Variants in PBX3 observed in about 807,000 individuals in gnomAD.
PBX3 encodes PBX homeobox 3, also known as pre-B-cell leukemia transcription factor 3.
In PBX3, 14 loss-of-function variants were observed where a neutral mutation model predicts 48.5. The observed-to-expected ratio is 0.29, with a 90% CI of 0.19 to 0.45. The LOEUF is 0.45. PBX3 is among the 20% of genes least tolerant of loss of function. PBX3 has a pLI of 1.00. For synonymous variants in PBX3, 210 were observed against 200.3 expected, an observed-to-expected ratio of 1.05 and a Z score of -0.41; for missense variants, 386 against 546.7, an observed-to-expected ratio of 0.71 and a Z score of 2.93.
intron 2 of PBX3, among the ~76,000 whole-genome samples, chr9:125,883,107 A>G (rs1055752991): frequency 3.9e-5 from 6 of 152,340 alleles, no homozygotes; most frequent in African/African-American, 1.2e-4. Flanking sequence ...GCGATAATAC[A>G]TAGTGTTGAT....
At chr9:125,796,124 T>A (rs1370765471) in intron 2 of PBX3, among the ~76,000 whole-genome samples, 2 of 152,302 alleles carry the variant, frequency 1.3e-5, no homozygotes, top group Non-Finnish European at 2.9e-5. Context: ...ATGGTTAGTG[T>A]GGGAATAGCT....
At chr9:125,862,973 C>T (rs1363251757) in intron 2 of PBX3, among the ~76,000 whole-genome samples, 1 of 151,852 alleles carries the variant, frequency 6.6e-6, no homozygotes, top group African/African-American at 2.4e-5. Context: ...TGGCTCACTG[C>T]TGCAACCTCT....
At chr9:125,775,786 T>A (rs1176759692) in intron 2 of PBX3, among the ~76,000 whole-genome samples, 5 of 152,230 alleles carry the variant, frequency 3.3e-5, no homozygotes, top group Admixed American at 2.6e-4. Context: ...AAAATTGTGA[T>A]AGGAGTTGCA....
rs149849496 is a variant in PBX3 at position 125,901,887 on chromosome 9, A to T, written c.275-13799A>T. ...TTACTACTCAGAGTTCTCCAGATCA[A>T]GTGTGAAAAGTAGCTACCTGATCTG... On this transcript the variant is annotated intron_variant, in intron 2 of 8. Transcript: ENST00000373489. Among the ~76,000 whole-genome samples the T allele has an allele frequency of 2.8e-3, 420 of 151,816 alleles. 2 individuals are homozygous for T. The highest frequency in any genetic ancestry group is 9.5e-3 in the African/African-American group (394 of 41,496).
chr9:125,956,130 A>G (rs1842302284), intron 5 of PBX3, among the ~76,000 whole-genome samples: 1 of 152,224 alleles, frequency 6.6e-6, no homozygotes, highest in Admixed American at 6.5e-5. Context: ...TGCCAAAGCC[A>G]TTAATGCACC....
intron 2 of PBX3, among the ~76,000 whole-genome samples, chr9:125,827,560 A>ATACCTATGTGT (rs757956759): frequency 1.3e-4 from 20 of 152,284 alleles, no homozygotes; most frequent in Non-Finnish European, 2.6e-4. Context: ...CACATATGTA[A>ATACCTATGTGT]TACCTATGTG....
In PBX3 at chr9:125,963,010, A is replaced by T. The variant is rs1184419044; in HGVS notation, c.1123-2A>T. ...ATGAATTTTGTTTTGTCTCACTTCT[A>T]GGTGGATACCCTCCGTCATGTTATC... On this transcript the variant is annotated splice_acceptor_variant, in intron 7 of 8. Transcript: ENST00000373489. LOFTEE classifies it high-confidence loss of function. 1 of 1,586,732 alleles carries T rather than the reference A, an allele frequency of 6.3e-7. No individual in the cohort carries two copies. Among genetic ancestry groups the T allele is most frequent in the Non-Finnish European group, 8.6e-7 (1 of 1,157,560 alleles).
intron 5 of PBX3, among the ~76,000 whole-genome samples, chr9:125,952,524 A>G (rs1398653728): frequency 1.3e-5 from 2 of 152,252 alleles, no homozygotes; most frequent in African/African-American, 4.8e-5. Context: ...TAGATGGTTT[A>G]GCTTTTTATT....
chr9:125,889,815 T>TCGCCGTC (rs1168733937), intron 2 of PBX3, among the ~76,000 whole-genome samples: 3 of 148,252 alleles, frequency 2.0e-5, no homozygotes, highest in Non-Finnish European at 4.5e-5. Flanking sequence ...GGGAGCCGGA[T>TCGCCGTC]CGCCGTCCGC....
At chr9:125,814,957 T>TA (rs1338933930) in intron 2 of PBX3, among the ~76,000 whole-genome samples, 2 of 152,222 alleles carry the variant, frequency 1.3e-5, no homozygotes, top group South Asian at 4.1e-4. Flanking sequence ...ATTAGGGAAT[T>TA]ACAGCCTCTC....
At chr9:125,905,102 T>TA (rs1280841562) in intron 2 of PBX3, among the ~76,000 whole-genome samples, 1 of 151,980 alleles carries the variant, frequency 6.6e-6, no homozygotes, top group Non-Finnish European at 1.5e-5. Flanking sequence ...GTGGGTTGAA[T>TA]AATGAGCATT....
intron 2 of PBX3, among the ~76,000 whole-genome samples, chr9:125,848,548 G>A (rs906360724): frequency 6.6e-6 from 1 of 151,884 alleles, no homozygotes; most frequent in African/African-American, 2.4e-5. Context: ...TTGCTATAAA[G>A]GTAACATTGT....
At chr9:125,851,827 A>G (rs1839587846) in intron 2 of PBX3, among the ~76,000 whole-genome samples, 1 of 150,234 alleles carries the variant, frequency 6.7e-6, no homozygotes, top group African/African-American at 2.4e-5. Flanking sequence ...CTTAATTAAA[A>G]GCATTTGTTT....
chr9:125,749,637 A>G (rs1836313295), intron 2 of PBX3: 1 of 150,182 alleles, frequency 6.7e-6, no homozygotes, highest in Non-Finnish European at 1.5e-5. Flanking sequence ...GGCAAAGGAG[A>G]AAAAGTTGAA....
intron 3 of PBX3, among the ~76,000 whole-genome samples, chr9:125,926,146 G>A (rs1356247651): frequency 6.6e-6 from 1 of 152,198 alleles, no homozygotes; most frequent in Admixed American, 6.5e-5. Context: ...TCTCCTTAGG[G>A]AAAGTTCAAG....
intron 3 of PBX3, among the ~76,000 whole-genome samples, chr9:125,916,526 GT>G (rs1240827454): frequency 1.3e-5 from 2 of 152,098 alleles, no homozygotes; most frequent in Non-Finnish European, 2.9e-5. Flanking sequence ...GAGAATATGG[GT>G]TAAAAATCTG....
chr9:125,798,495 T>G (rs1198186446), intron 2 of PBX3, among the ~76,000 whole-genome samples: 1 of 109,392 alleles, frequency 9.1e-6, no homozygotes, highest in Non-Finnish European at 1.8e-5. Context: ...CACCTCCCAT[T>G]TCTTAAAAAA....
intron 2 of PBX3, among the ~76,000 whole-genome samples, chr9:125,789,747 C>T (rs1190654821): frequency 6.6e-6 from 1 of 152,026 alleles, no homozygotes; most frequent in Non-Finnish European, 1.5e-5. Flanking sequence ...AGGCTGCCTA[C>T]CACTCTGGGT....
chr9:125,877,791 A>G (rs1840291059), intron 2 of PBX3, among the ~76,000 whole-genome samples: 1 of 152,162 alleles, frequency 6.6e-6, no homozygotes, highest in South Asian at 2.1e-4. Flanking sequence ...AACAACATCA[A>G]CAATTACTGA....
Sources: gnomAD v4.1 joint callset for allele counts (sites outside exome capture counted in the v4.1 genomes callset) on GRCh38, gnomAD v4.1.1 for gene constraint, MANE v1.5 for transcripts, NCBI Gene and HGNC (gene_info 2026-07-23, HGNC 2026-07-21) for gene names.